The following EPB41L4A variants were observed in gnomAD, a reference collection of about 807,000 sequenced individuals.
The protein encoded by EPB41L4A is band 4.1-like protein 4A.
A neutral mutation model predicts 108.6 loss-of-function variants in EPB41L4A; 100 were observed. The ratio of observed to expected loss-of-function variants is 0.92; its 90% CI spans 0.78 to 1.09. EPB41L4A has a LOEUF of 1.09. Ranked by LOEUF, EPB41L4A falls within the 50% of genes least tolerant of loss-of-function variation. The pLI, the probability that EPB41L4A is intolerant of heterozygous loss-of-function variation, is 0.00. For synonymous variants in EPB41L4A, 319 were observed against 289.0 expected (o/e 1.10, Z -1.05); for missense variants, 1,030 against 842.7 (o/e 1.22, Z -2.75).
intron 12 of EPB41L4A, among the ~76,000 whole-genome samples, chr5:112,224,109 G>A (rs546273548): frequency 5.9e-5 from 9 of 152,138 alleles, no homozygotes; most frequent in Non-Finnish European, 1.2e-4. Flanking sequence ...CTGCCACTGC[G>A]TCCGGCTAAT....
chr5:112,156,665 C>A (rs78752070), intron 12 of EPB41L4A, among the ~76,000 whole-genome samples: 2 of 152,108 alleles, frequency 1.3e-5, no homozygotes, highest in African/African-American at 4.8e-5. Flanking sequence ...ATCCTGTGAT[C>A]CAGAGTTGAT....
chr5:112,228,320 C>A (rs571807827), intron 12 of EPB41L4A: 2 of 152,340 alleles, frequency 1.3e-5, no homozygotes, highest in African/African-American at 4.8e-5. Flanking sequence ...AGGTCCACTC[C>A]GCTGCACAGA....
chr5:112,187,746 T>A (rs1580392602), intron 17 of EPB41L4A, among the ~76,000 whole-genome samples: 1 of 152,320 alleles, frequency 6.6e-6, no homozygotes, highest in East Asian at 1.9e-4. Context: ...ACAGAACCTT[T>A]CTTTACATAA....
intron 1 of EPB41L4A, among the ~76,000 whole-genome samples, chr5:112,310,288 G>A (rs572063053): frequency 3.9e-5 from 6 of 152,222 alleles, no homozygotes; most frequent in South Asian, 2.1e-4. Context: ...ATTCCCAGCC[G>A]TCTTGCTAAA....
Position 112,419,168 on chromosome 5 carries a change from C to A in EPB41L4A, c.-129G>T. On this transcript the variant is annotated 5_prime_UTR_variant, in exon 1 of 23. Coordinates refer to ENST00000261486, the MANE Select transcript of EPB41L4A (RefSeq NM_022140.5). ...CGAGGGTGAGACGAGCAGCTCCCGG[C>A]GGGGTCCGGGGACCGGCCGCCGAAC... 3.1e-6 allele frequency: 2 copies of A among 649,308 alleles called. No individual in the cohort carries two copies. The highest frequency in any genetic ancestry group is 2.0e-5 in the South Asian group (1 of 48,814). 40.2% of individuals were successfully genotyped at this position (649,308 alleles called of 1,614,324 possible).
intron 2 of EPB41L4A, among the ~76,000 whole-genome samples, chr5:112,289,772 T>G (rs1426775189): frequency 6.6e-6 from 1 of 152,154 alleles, no homozygotes; most frequent in Non-Finnish European, 1.5e-5. Flanking sequence ...CAGCAGACAC[T>G]AAGTAGAACA....
At chr5:112,263,029 C>T (rs573447755) in intron 6 of EPB41L4A, among the ~76,000 whole-genome samples, 8 of 152,174 alleles carry the variant, frequency 5.3e-5, no homozygotes, top group Non-Finnish European at 8.8e-5. Flanking sequence ...GGGATCATAT[C>T]GAGATCTCCT....
intron 1 of EPB41L4A, among the ~76,000 whole-genome samples, chr5:112,401,906 C>T (rs1031117081): frequency 6.6e-6 from 1 of 152,196 alleles, no homozygotes; most frequent in African/African-American, 2.4e-5. Flanking sequence ...ATGAATTCCA[C>T]TTAGAGCAGC....
At chr5:112,269,692 GT>G (rs1561527894) in intron 4 of EPB41L4A, among the ~76,000 whole-genome samples, 1 of 152,122 alleles carries the variant, frequency 6.6e-6, no homozygotes. Flanking sequence ...AGTGTCAGGA[GT>G]TTGGACAATA....
intron 1 of EPB41L4A, among the ~76,000 whole-genome samples, chr5:112,399,328 C>A (rs1275257440): frequency 6.6e-6 from 1 of 152,070 alleles, no homozygotes; most frequent in Admixed American, 6.6e-5. Context: ...CAATCAGATT[C>A]CCCTGTTGTA....
chr5:112,285,183 A>T (rs943020140), intron 2 of EPB41L4A, among the ~76,000 whole-genome samples: 1 of 152,214 alleles, frequency 6.6e-6, no homozygotes, highest in African/African-American at 2.4e-5. Context: ...GAACTTAAGA[A>T]TGTTACATTG....
intron 1 of EPB41L4A, among the ~76,000 whole-genome samples, chr5:112,370,284 A>C (rs1359335518): frequency 6.7e-6 from 1 of 148,570 alleles, no homozygotes; most frequent in East Asian, 2.0e-4. Context: ...TAATCCTCCT[A>C]CCTTAGCCTC....
At chr5:112,368,732 C>G (rs1404689299) in intron 1 of EPB41L4A, among the ~76,000 whole-genome samples, 1 of 152,180 alleles carries the variant, frequency 6.6e-6, no homozygotes, top group Non-Finnish European at 1.5e-5. Context: ...GACCTGTCCT[C>G]CCCACAACTA....
At chr5:112,215,769 A>AC (rs1554079180) in intron 12 of EPB41L4A, among the ~76,000 whole-genome samples, 12 of 139,506 alleles carry the variant, frequency 8.6e-5, no homozygotes, top group African/African-American at 1.3e-4. Context: ...TCTCAAAAAA[A>AC]AAAAAAAACA....
intron 1 of EPB41L4A, among the ~76,000 whole-genome samples, chr5:112,337,208 G>C (rs17134370): frequency 0.037 from 5,677 of 152,126 alleles, 330 homozygotes; most frequent in African/African-American, 0.13. Flanking sequence ...TAATTAATGA[G>C]ATATCTAGCT....
At chr5:112,413,487 T>C (rs868308101) in intron 1 of EPB41L4A, among the ~76,000 whole-genome samples, 1 of 152,182 alleles carries the variant, frequency 6.6e-6, no homozygotes, top group Non-Finnish European at 1.5e-5. Flanking sequence ...CAAATTATAG[T>C]TAATAAGCAT....
At chr5:112,192,072 A>G (rs1228132294) in intron 17 of EPB41L4A, 1 of 152,316 alleles carries the variant, frequency 6.6e-6, no homozygotes, top group Non-Finnish European at 1.5e-5. Flanking sequence ...GTCAGCCAAG[A>G]AAAGGAAGGA....
intron 1 of EPB41L4A, among the ~76,000 whole-genome samples, chr5:112,325,502 T>C (rs1756093529): frequency 6.6e-6 from 1 of 151,080 alleles, no homozygotes; most frequent in African/African-American, 2.4e-5. Flanking sequence ...GTGATGCCCA[T>C]AAAGTACTTT....
intron 11 of EPB41L4A, among the ~76,000 whole-genome samples, chr5:112,237,992 C>G (rs997749589): frequency 6.6e-6 from 1 of 152,146 alleles, no homozygotes. Context: ...CCAATAACTT[C>G]CTAATAATAA....
Sources: allele counts gnomAD v4.1 joint callset (sites outside exome capture counted in the v4.1 genomes callset), GRCh38; gene constraint gnomAD v4.1.1; transcripts MANE v1.5; gene names NCBI Gene and HGNC (gene_info 2026-07-23, HGNC 2026-07-21).